Variants in CD40LG observed in about 807,000 individuals in gnomAD.
The protein encoded by CD40LG is CD40 antigen ligand.
A neutral mutation model predicts 17.2 loss-of-function variants in CD40LG; 1 was observed. That is an observed-to-expected ratio of 0.06 (90% CI 0.02 to 0.28). The LOEUF is 0.28. CD40LG is among the 10% of genes least tolerant of loss of function. The pLI is 1.00. For synonymous variants in CD40LG, 66 were observed against 74.4 expected (o/e 0.89, Z 0.58); for missense variants, 133 against 193.2 (o/e 0.69, Z 1.85).
intron 4 of CD40LG, among the ~76,000 whole-genome samples, chrX:136,658,735 G>A (rs903845110): frequency 8.9e-6 from 1 of 111,863 alleles, no homozygotes; most frequent in Non-Finnish European, 1.9e-5. Context: ...GAACTCTAAC[G>A]AGAGAAAGAA....
chrX:136,648,627 C>A (rs1402180643), intron 1 of CD40LG, among the ~76,000 whole-genome samples: 1 of 111,671 alleles, frequency 9.0e-6, no homozygotes, highest in Non-Finnish European at 1.9e-5. Context: ...CTGCCCATAC[C>A]ATCTCTGTTA....
chrX:136,659,605 A>G lies in CD40LG; in HGVS notation c.*190A>G. On this transcript the variant is annotated 3_prime_UTR_variant, in exon 5 of 5. Transcript: ENST00000370629. ...GAATTACAGGTCACATGAAACCAAA[A>G]CGGGCCCTGCTCCATAAGAGCTTAT... 1 of 454,150 alleles carries G rather than the reference A, an allele frequency of 2.2e-6. No individual in the cohort carries two copies. The highest frequency in any genetic ancestry group is 4.0e-5 in the Admixed American group (1 of 25,222). 37.4% of individuals were successfully genotyped at this position (454,150 alleles called of 1,213,427 possible).
Position 136,659,289 on chromosome X carries a change from A to T in CD40LG, c.660A>T (p.Gln220His). 8.3e-7 allele frequency: 1 copy of T among 1,211,497 alleles called. No homozygotes were observed. The highest frequency in any genetic ancestry group is 1.1e-6 in the Non-Finnish European group (1 of 895,222). The change falls in exon 5 of 5, where the codon CAA becomes CAT. Residue 220 changes from glutamine (Q) to histidine (H), a missense_variant. By Grantham distance (24) the Gln-to-His change is conservative. Transcript: ENST00000370629. ...ACAGTTCCGCCAAACCTTGCGGGCA[A>T]CAATCCATTCACTTGGGAGGAGTAT... ...NTHSSAKPCGQQSIHLGGVFE... is the reference protein window; with the variant it reads ...NTHSSAKPCGHQSIHLGGVFE...
intron 1 of CD40LG, 56 bp downstream of exon 1, chrX:136,648,460 G>A (rs1014626397): frequency 9.3e-7 from 1 of 1,074,129 alleles, no homozygotes; most frequent in African/African-American, 1.8e-5. Flanking sequence ...CTAATTCATA[G>A]GTTGGTTCTA....
chrX:136,655,558 T>C (rs754382381), intron 3 of CD40LG, among the ~76,000 whole-genome samples: 14 of 111,926 alleles, frequency 1.3e-4, no homozygotes, highest in African/African-American at 4.5e-4. Context: ...AGAGATACTA[T>C]TTTCTGAGGC....
Position 136,659,379 on chromosome X carries a change from C to A in CD40LG, c.750C>A (p.Gly250=). Residue 250 remains glycine (G), a synonymous_variant, in exon 5 of 5, where the codon GGC becomes GGA. Transcript: ENST00000370629. ...NVTDPSQVSH[G]TGFTSFGLLK... Reference sequence around the variant, plus strand: ...CTGATCCAAGCCAAGTGAGCCATGGCACTGGCTTCACGTCCTTTGGCTTAC... The same window carrying A: ...CTGATCCAAGCCAAGTGAGCCATGGAACTGGCTTCACGTCCTTTGGCTTAC... 2 of 1,210,848 alleles carry A rather than the reference C, an allele frequency of 1.7e-6. No homozygotes were observed. Among genetic ancestry groups the A allele is most frequent in the African/African-American group, 3.5e-5 (2 of 57,859 alleles).
rs1365186181 is a variant in CD40LG at position 136,659,420 on chromosome X, T to G, written c.*5T>G. On this transcript the variant is annotated 3_prime_UTR_variant, in exon 5 of 5. Transcript: ENST00000370629. ...TTTGGCTTACTCAAACTCTGAACAG[T>G]GTCACCTTGCAGGCTGTGGTGGAGC... 2 of 1,208,187 alleles carry G rather than the reference T, an allele frequency of 1.7e-6. No individual in the cohort carries two copies. The highest frequency in any genetic ancestry group is 1.7e-5 in the African/African-American group (1 of 57,850).
chrX:136,655,639 T>C (rs948116167), intron 3 of CD40LG, among the ~76,000 whole-genome samples: 3 of 112,194 alleles, frequency 2.7e-5, no homozygotes, highest in African/African-American at 9.7e-5. Flanking sequence ...TCCATGAAGG[T>C]TTTATCTTCA....
Position 136,659,940 on chromosome X carries a change from A to G in CD40LG, c.*525A>G, listed in dbSNP as rs866515120. ...CCGAAACCCCCCCCCCCCCCCCGCC[A>G]CCCTCTCGGACAGTTATTCATTCTC... On this transcript the variant is annotated 3_prime_UTR_variant, in exon 5 of 5. Transcript: ENST00000370629. The G allele has an allele frequency of 6.4e-5, 1 of 15,651 alleles. No individual in the cohort carries two copies. Among genetic ancestry groups the G allele is most frequent in the African/African-American group, 2.1e-4 (1 of 4,744 alleles). The allele number at this position is 15,651 out of a possible 1,213,427, so 1.3% of individuals were successfully genotyped here.
intron 4 of CD40LG, among the ~76,000 whole-genome samples, chrX:136,658,009 T>TC (rs1447099276): frequency 3.6e-5 from 4 of 111,521 alleles, no homozygotes; most frequent in Non-Finnish European, 5.6e-5. Flanking sequence ...GCCCTTTTTT[T>TC]CTCAATAAAA....
intron 3 of CD40LG, among the ~76,000 whole-genome samples, chrX:136,655,781 T>C (rs1464746717): frequency 8.9e-6 from 1 of 112,048 alleles, no homozygotes; most frequent in East Asian, 2.8e-4. Flanking sequence ...AACTGGTCAT[T>C]TAGGTCATGC....
At position 136,659,811 on chromosome X, in the gene CD40LG, A is replaced by G. The variant is rs2076129322; in HGVS notation, c.*396A>G. On this transcript the variant is annotated 3_prime_UTR_variant, in exon 5 of 5. Coordinates refer to ENST00000370629, the MANE Select transcript of CD40LG (RefSeq NM_000074.3). ...TTTGATTTATCAGTGAAGATGCAGAAGGGAAATGGGGAGCCTCAGCTCACA... is the reference window on the plus strand; with the variant it reads ...TTTGATTTATCAGTGAAGATGCAGAGGGGAAATGGGGAGCCTCAGCTCACA... 6.6e-6 allele frequency: 1 copy of G among 151,158 alleles called. No individual in the cohort carries two copies. The highest frequency in any genetic ancestry group is 1.3e-5 in the Non-Finnish European group (1 of 79,910). The allele number at this position is 151,158 out of a possible 1,213,427, so 12.5% of individuals were successfully genotyped here.
chrX:136,654,276 A>G (rs2076112745), intron 2 of CD40LG, 97 bp from the exon 3 acceptor site: 1 of 635,947 alleles, frequency 1.6e-6, no homozygotes, highest in Non-Finnish European at 2.7e-6. Flanking sequence ...CCAGAAACAG[A>G]CAACAGAGTA....
chrX:136,658,311 C>T (rs2076124466), intron 4 of CD40LG, among the ~76,000 whole-genome samples: 1 of 112,116 alleles, frequency 8.9e-6, no homozygotes, highest in African/African-American at 3.2e-5. Context: ...ACTTTGAACC[C>T]ACTCAACATC....
intron 2 of CD40LG, among the ~76,000 whole-genome samples, chrX:136,653,553 C>T (rs1171111986): frequency 8.9e-6 from 1 of 112,520 alleles, no homozygotes; most frequent in East Asian, 2.8e-4. Flanking sequence ...ACCTCAGCTT[C>T]TTTGGGTGAC....
In CD40LG at chrX:136,659,181, G is replaced by A. The variant is rs201638760; in HGVS notation, c.552G>A (p.Ser184=). 1.7e-5 allele frequency: 21 copies of A among 1,209,558 alleles called. No homozygotes were observed. Among genetic ancestry groups the A allele is most frequent in the Non-Finnish European group, 1.9e-5 (17 of 894,807 alleles). Reference sequence around the variant, plus strand: ...CCTTCTGTTCCAATCGGGAAGCTTCGAGTCAAGCTCCATTTATAGCCAGCC... The same window carrying A: ...CCTTCTGTTCCAATCGGGAAGCTTCAAGTCAAGCTCCATTTATAGCCAGCC... ...QVTFCSNREA[S]SQAPFIASLC... Residue 184 remains serine (S), a synonymous_variant, in exon 5 of 5, where the codon TCG becomes TCA. Coordinates refer to ENST00000370629, the MANE Select transcript of CD40LG (RefSeq NM_000074.3).
rs1198432224 is a variant in CD40LG, at chrX:136,654,442, A to G, written c.346+12A>G. On this transcript the variant is annotated intron_variant, in intron 3 of 4. Transcript: ENST00000370629. ...TGAAATGCAAAAAGGTAGGTTTGCT[A>G]TTTGCTAATTTCTATGAATGCCTAA... 7.8e-6 allele frequency: 9 copies of G among 1,151,061 alleles called. No homozygotes were observed. Among genetic ancestry groups the G allele is most frequent in the Non-Finnish European group, 8.3e-6 (7 of 841,546 alleles). 94.9% of individuals were successfully genotyped at this position (1,151,061 alleles called of 1,213,427 possible). A position where few individuals can be genotyped will look rare whatever the true frequency, so the allele number is the denominator to read the frequency against.
rs2148554150 is a variant in CD40LG, at chrX:136,660,118, AC to A, written c.*704del. Reference sequence around the variant, plus strand: ...ATCCCCCTTTCTAACACACACACACACACACACACACACACACACACACACA... The same window carrying A: ...ATCCCCCTTTCTAACACACACACACAACACACACACACACACACACACACA... On this transcript the variant is annotated 3_prime_UTR_variant, in exon 5 of 5. Coordinates refer to ENST00000370629, the MANE Select transcript of CD40LG (RefSeq NM_000074.3). The A allele has an allele frequency of 3.6e-5, 3 of 82,599 alleles. No homozygotes were observed. Among genetic ancestry groups the A allele is most frequent in the African/African-American group, 1.6e-4 (3 of 18,509 alleles). 6.8% of individuals were successfully genotyped at this position (82,599 alleles called of 1,213,427 possible).
chrX:136,656,060 A>G (rs1163157172), intron 3 of CD40LG, among the ~76,000 whole-genome samples: 2 of 112,173 alleles, frequency 1.8e-5, no homozygotes, highest in Admixed American at 9.5e-5. Flanking sequence ...TAAAAGCAAG[A>G]TTCACGGTAT....
Sources: allele counts gnomAD v4.1 joint callset (sites outside exome capture counted in the v4.1 genomes callset), GRCh38; gene constraint gnomAD v4.1.1; transcripts MANE v1.5; gene names NCBI Gene and HGNC (gene_info 2026-07-23, HGNC 2026-07-21).